PPARGC1A: variants seen among roughly 807,000 people sequenced by gnomAD.
The protein encoded by PPARGC1A is peroxisome proliferator-activated receptor gamma coactivator 1-alpha.
In PPARGC1A, 25 loss-of-function variants were observed where a neutral mutation model predicts 88.7. The observed-to-expected ratio is 0.28, with a 90% CI of 0.21 to 0.39. PPARGC1A has a LOEUF of 0.39. PPARGC1A is among the 10% of genes least tolerant of loss of function. The probability of loss-of-function intolerance (pLI) is 1.00; values close to 1 mark genes in which losing one functional copy is unlikely to be tolerated. For missense variants in PPARGC1A, 880 were observed against 968.7 expected (o/e 0.91, Z 1.22); for synonymous variants, 363 against 355.6 (o/e 1.02, Z -0.24).
chr4:24,469,776 T>C, the PPARGC1A span, among the ~76,000 whole-genome samples: 1 of 152,094 alleles, frequency 6.6e-6, no homozygotes, highest in Non-Finnish European at 1.5e-5. Context: ...AAGAAGCCGG[T>C]AGTTTTCCTC....
chr4:23,840,791 T>C (rs1726928843), intron 2 of PPARGC1A, among the ~76,000 whole-genome samples: 1 of 152,182 alleles, frequency 6.6e-6, no homozygotes, highest in South Asian at 2.1e-4. Context: ...CATTCTTCTT[T>C]TGTTGTTGTT....
the PPARGC1A span, among the ~76,000 whole-genome samples, chr4:24,267,526 C>CCG: frequency 6.6e-6 from 1 of 152,148 alleles, no homozygotes; most frequent in Non-Finnish European, 1.5e-5. Flanking sequence ...GACTATCAAT[C>CCG]CGGTGTTGTG....
the PPARGC1A span, among the ~76,000 whole-genome samples, chr4:24,228,530 T>C: frequency 6.6e-6 from 1 of 152,032 alleles, no homozygotes; most frequent in African/African-American, 2.4e-5. Flanking sequence ...GTTGAAAAAC[T>C]AACTACTGGG....
chr4:24,073,536 GTGAAACAAGCCAACAACA>G, the PPARGC1A span, among the ~76,000 whole-genome samples: 3 of 152,134 alleles, frequency 2.0e-5, no homozygotes, highest in South Asian at 6.2e-4. Flanking sequence ...CCAACCTCAA[GTGAAACAAGCCAACAACA>G]TGAGAAATGA....
chr4:23,940,688 A>G, the PPARGC1A span, among the ~76,000 whole-genome samples: 1 of 152,136 alleles, frequency 6.6e-6, no homozygotes, highest in Non-Finnish European at 1.5e-5. Context: ...AAATTCAATT[A>G]CTCCATGAAA....
the PPARGC1A span, among the ~76,000 whole-genome samples, chr4:24,166,419 C>T: frequency 6.6e-6 from 1 of 152,194 alleles, no homozygotes; most frequent in Non-Finnish European, 1.5e-5. Context: ...AACAGATCTT[C>T]AATATAGACA....
Position 23,795,491 on chromosome 4 carries a change from CCACACACATACATACA to C in PPARGC1A, c.*315_*330del. ...ACTTCCCCTAAACCAAGCACACACACCACACACATACATACACACACACATACATGCACACACGCAC... is the reference window on the plus strand; with the variant it reads ...ACTTCCCCTAAACCAAGCACACACACCACACACATACATGCACACACGCAC... On this transcript the variant is annotated 3_prime_UTR_variant, in exon 13 of 13. Transcript: ENST00000264867. 1 of 209,556 alleles carries C rather than the reference CCACACACATACATACA, an allele frequency of 4.8e-6. No individual in the cohort carries two copies. Among genetic ancestry groups the C allele is most frequent in the Non-Finnish European group, 9.4e-6 (1 of 106,372 alleles). The allele number at this position is 209,556 out of a possible 1,614,324, so 13.0% of individuals were successfully genotyped here.
chr4:24,256,650 G>C, the PPARGC1A span, among the ~76,000 whole-genome samples: 1 of 152,186 alleles, frequency 6.6e-6, no homozygotes, highest in Non-Finnish European at 1.5e-5. Context: ...GGCTACTGCT[G>C]TGTCTACAGG....
the PPARGC1A span, among the ~76,000 whole-genome samples, chr4:24,438,242 G>A: frequency 0.27 from 41,258 of 151,624 alleles, 6,037 homozygotes; most frequent in Middle Eastern, 0.4. Flanking sequence ...CACACAACAG[G>A]ATGGAATTGC....
intron 4 of PPARGC1A, 52 bp downstream of exon 4, chr4:23,829,411 A>G: frequency 1.3e-6 from 2 of 1,592,632 alleles, no homozygotes; most frequent in Non-Finnish European, 8.6e-7. Flanking sequence ...TACTGCTTCA[A>G]GCCAAAATCC....
At chr4:24,015,436 A>AT in the PPARGC1A span, among the ~76,000 whole-genome samples, 1 of 152,048 alleles carries the variant, frequency 6.6e-6, no homozygotes. Context: ...AACAGTTGCT[A>AT]TTTACTCTCC....
chr4:23,820,983 C>T (rs1472366907), intron 7 of PPARGC1A, among the ~76,000 whole-genome samples: 2 of 152,096 alleles, frequency 1.3e-5, no homozygotes, highest in African/African-American at 4.8e-5. Flanking sequence ...AATATAAATG[C>T]TATTTCTACC....
chr4:24,411,407 GTACAGAGAGATCTCATA>G, the PPARGC1A span, among the ~76,000 whole-genome samples: 2 of 152,208 alleles, frequency 1.3e-5, no homozygotes, highest in Non-Finnish European at 2.9e-5. Flanking sequence ...AGAGTGGCAA[GTACAGAGAGATCTCATA>G]TACCCTCTGC....
chr4:23,932,837 T>C, the PPARGC1A span, among the ~76,000 whole-genome samples: 12 of 152,266 alleles, frequency 7.9e-5, no homozygotes, highest in East Asian at 3.9e-4. Context: ...AAGATTTCTC[T>C]GACAAAATTC....
At chr4:23,991,908 G>A in the PPARGC1A span, among the ~76,000 whole-genome samples, 1 of 152,012 alleles carries the variant, frequency 6.6e-6, no homozygotes, top group Non-Finnish European at 1.5e-5. Flanking sequence ...GCTGAGGAAG[G>A]CTGCAACCTC....
intron 2 of PPARGC1A, among the ~76,000 whole-genome samples, chr4:23,858,076 A>G (rs1313148311): frequency 6.6e-6 from 1 of 152,072 alleles, no homozygotes; most frequent in Non-Finnish European, 1.5e-5. Context: ...GTTCTTGGAA[A>G]AGTAAAGGAC....
At chr4:23,960,191 C>T in the PPARGC1A span, among the ~76,000 whole-genome samples, 2 of 152,038 alleles carry the variant, frequency 1.3e-5, no homozygotes, top group Non-Finnish European at 2.9e-5. Context: ...TCTTTTGTGT[C>T]GGGAATGTCT....
the PPARGC1A span, among the ~76,000 whole-genome samples, chr4:24,332,991 C>G: frequency 6.6e-6 from 1 of 152,200 alleles, no homozygotes; most frequent in Non-Finnish European, 1.5e-5. Context: ...CCTGTAATCC[C>G]AGCACTTCGG....
At chr4:24,274,369 G>A in the PPARGC1A span, among the ~76,000 whole-genome samples, 1 of 152,060 alleles carries the variant, frequency 6.6e-6, no homozygotes, top group South Asian at 2.1e-4. Context: ...TTACTGTAAA[G>A]CAGAGGCCAG....
Sources: gnomAD v4.1 joint callset for allele counts (sites outside exome capture counted in the v4.1 genomes callset) on GRCh38, gnomAD v4.1.1 for gene constraint, MANE v1.5 for transcripts, NCBI Gene and HGNC (gene_info 2026-07-23, HGNC 2026-07-21) for gene names.